CNBD1: variants seen among roughly 807,000 people sequenced by gnomAD.
CNBD1 encodes cyclic nucleotide binding domain containing 1, also known as cyclic nucleotide-binding domain-containing protein 1.
Under a neutral mutation model 54.4 loss-of-function variants are expected in CNBD1, and 71 were observed. The observed-to-expected ratio is 1.30, with a 90% CI of 1.08 to 1.59. The LOEUF (loss-of-function observed/expected upper bound fraction) is 1.59. Among genes scored for constraint, CNBD1 ranks in the 40% most tolerant of loss-of-function variants. The pLI is 0.00. For synonymous variants in CNBD1, 182 were observed against 170.7 expected, an observed-to-expected ratio of 1.07 and a Z score of -0.51; for missense variants, 659 against 518.0, an observed-to-expected ratio of 1.27 and a Z score of -2.64.
At chr8:87,112,490 A>G (rs189277836) in intron 4 of CNBD1, among the ~76,000 whole-genome samples, 1 of 152,254 alleles carries the variant, frequency 6.6e-6, no homozygotes, top group African/African-American at 2.4e-5. Context: ...CTGACAGAGA[A>G]GCCCTCAGAT....
chr8:87,407,809 C>G (rs905072353), intron 2 of CNBD1, among the ~76,000 whole-genome samples: 1 of 151,792 alleles, frequency 6.6e-6, no homozygotes, highest in Non-Finnish European at 1.5e-5. Context: ...TGAATAAGTG[C>G]CTACTTATTT....
chr8:87,196,447 C>G (rs188485538), intron 4 of CNBD1, among the ~76,000 whole-genome samples: 54 of 152,228 alleles, frequency 3.5e-4, no homozygotes, highest in Admixed American at 6.5e-4. Flanking sequence ...GGTATAGAAA[C>G]CTTAAGAGAG....
intron 3 of CNBD1, among the ~76,000 whole-genome samples, chr8:86,920,592 A>G (rs1004128031): frequency 1.3e-5 from 2 of 152,152 alleles, no homozygotes; most frequent in Admixed American, 6.5e-5. Flanking sequence ...GCTACTCTCT[A>G]ATATGCCAAA....
At chr8:86,945,854 G>A (rs1396184495) in intron 4 of CNBD1, among the ~76,000 whole-genome samples, 1 of 152,202 alleles carries the variant, frequency 6.6e-6, no homozygotes, top group Non-Finnish European at 1.5e-5. Flanking sequence ...CTAAAAGCGT[G>A]TCACGCTGAA....
intron 4 of CNBD1, among the ~76,000 whole-genome samples, chr8:87,116,395 G>A (rs376139755): frequency 2.9e-4 from 44 of 151,676 alleles, no homozygotes; most frequent in South Asian, 1.7e-3. Context: ...AGTCTTTTTG[G>A]TAGAGATGGA....
intron 4 of CNBD1, among the ~76,000 whole-genome samples, chr8:87,005,338 C>A (rs1275669382): frequency 6.6e-6 from 1 of 151,804 alleles, no homozygotes; most frequent in Non-Finnish European, 1.5e-5. Context: ...CCACTGCACT[C>A]CAGCCTGGGC....
At chr8:87,067,605 A>AAT (rs769015402) in intron 4 of CNBD1, among the ~76,000 whole-genome samples, 1 of 151,988 alleles carries the variant, frequency 6.6e-6, no homozygotes, top group Non-Finnish European at 1.5e-5. Flanking sequence ...TAAATATTTC[A>AAT]ATCTTTTTTC....
chr8:87,232,927 T>C (rs918299888), intron 5 of CNBD1, among the ~76,000 whole-genome samples: 4 of 152,164 alleles, frequency 2.6e-5, no homozygotes, highest in Non-Finnish European at 4.4e-5. Context: ...TTTTTAACAT[T>C]ATTGTTAACT....
chr8:87,110,614 C>T (rs1038541503), intron 4 of CNBD1, among the ~76,000 whole-genome samples: 3 of 152,170 alleles, frequency 2.0e-5, no homozygotes, highest in East Asian at 1.9e-4. Context: ...CCCTGCCCTC[C>T]GGAGCATGTT....
intron 6 of CNBD1, among the ~76,000 whole-genome samples, chr8:87,240,397 AT>A (rs896019026): frequency 2.6e-4 from 40 of 151,458 alleles, no homozygotes; most frequent in Non-Finnish European, 3.0e-4. Flanking sequence ...TAAAATAGTA[AT>A]TTTTTTTTAC....
chr8:87,325,892 C>G (rs1413602339), intron 8 of CNBD1, among the ~76,000 whole-genome samples: 2 of 134,302 alleles, frequency 1.5e-5, no homozygotes, highest in African/African-American at 5.6e-5. Flanking sequence ...CAGTTTCTTC[C>G]TAGTCTCGAT....
intron 3 of CNBD1, among the ~76,000 whole-genome samples, chr8:86,939,262 G>T (rs2130424377): frequency 6.6e-6 from 1 of 152,166 alleles, no homozygotes; most frequent in African/African-American, 2.4e-5. Flanking sequence ...GAGTATAAAT[G>T]ATGTTAGCCA....
chr8:86,989,441 T>A (rs1374208812), intron 4 of CNBD1, among the ~76,000 whole-genome samples: 1 of 151,968 alleles, frequency 6.6e-6, no homozygotes, highest in Non-Finnish European at 1.5e-5. Flanking sequence ...GTTTTAGTTT[T>A]TATTTTATTT....
chr8:87,339,982 T>A (rs916602765), intron 8 of CNBD1, among the ~76,000 whole-genome samples: 5 of 152,224 alleles, frequency 3.3e-5, no homozygotes, highest in Non-Finnish European at 5.9e-5. Flanking sequence ...TACCTGTGAT[T>A]TTTATAATTT....
intron 6 of CNBD1, among the ~76,000 whole-genome samples, chr8:87,278,806 G>C (rs145625952): frequency 7.9e-5 from 12 of 151,380 alleles, no homozygotes; most frequent in Non-Finnish European, 1.2e-4. Context: ...TCCTTGTGAA[G>C]TTCCTACATG....
intron 4 of CNBD1, among the ~76,000 whole-genome samples, chr8:87,130,418 A>G (rs554692142): frequency 1.3e-5 from 2 of 152,178 alleles, no homozygotes; most frequent in African/African-American, 4.8e-5. Context: ...CAGCCAAGTC[A>G]TAGTGGATAA....
chr8:87,003,680 A>G (rs1317258440), intron 4 of CNBD1, among the ~76,000 whole-genome samples: 1 of 152,214 alleles, frequency 6.6e-6, no homozygotes, highest in Non-Finnish European at 1.5e-5. Flanking sequence ...ACTAGAGGAT[A>G]TGAGAAGCCA....
intron 8 of CNBD1, among the ~76,000 whole-genome samples, chr8:87,349,228 G>A (rs1227605405): frequency 1.3e-5 from 2 of 152,110 alleles, no homozygotes; most frequent in Admixed American, 1.3e-4. Context: ...CATTTATCTT[G>A]ACAGCATAAG....
chr8:87,271,060 A>G (rs566071563), intron 6 of CNBD1, among the ~76,000 whole-genome samples: 5 of 151,800 alleles, frequency 3.3e-5, no homozygotes, highest in Non-Finnish European at 7.4e-5. Flanking sequence ...TTGTCGTTGT[A>G]TAGTTGTTTG....
Sources: gnomAD v4.1 joint callset for allele counts (sites outside exome capture counted in the v4.1 genomes callset) on GRCh38, gnomAD v4.1.1 for gene constraint, MANE v1.5 for transcripts, NCBI Gene and HGNC (gene_info 2026-07-23, HGNC 2026-07-21) for gene names.